PRKAA2: variants seen among roughly 807,000 people sequenced by gnomAD.
PRKAA2 encodes protein kinase AMP-activated catalytic subunit alpha 2.
PRKAA2 carries 40 observed loss-of-function variants against 56.3 expected under a neutral mutation model. The ratio of observed to expected loss-of-function variants is 0.71; its 90% CI spans 0.55 to 0.92. The LOEUF (loss-of-function observed/expected upper bound fraction) is 0.92, where lower values mean the gene tolerates loss of function less well. Among genes scored for constraint, PRKAA2 ranks in the 40% least tolerant of loss-of-function variants. PRKAA2 has a pLI of 0.00. For synonymous variants in PRKAA2, 214 were observed against 234.2 expected, an observed-to-expected ratio of 0.91 and a Z score of 0.79; for missense variants, 542 against 686.9, an observed-to-expected ratio of 0.79 and a Z score of 2.36.
intron 2 of PRKAA2, among the ~76,000 whole-genome samples, chr1:56,689,007 T>C (rs764579800): frequency 3.3e-5 from 5 of 152,346 alleles, no homozygotes; most frequent in Non-Finnish European, 5.9e-5. Flanking sequence ...CAGTGGCTGC[T>C]AAGGATTTAG....
chr1:56,652,418 G>A (rs956843487), intron 1 of PRKAA2, among the ~76,000 whole-genome samples: 1 of 152,186 alleles, frequency 6.6e-6, no homozygotes, highest in Admixed American at 6.5e-5. Flanking sequence ...GCCTCCCAAA[G>A]TGCTGGGATT....
intron 1 of PRKAA2, among the ~76,000 whole-genome samples, chr1:56,664,231 C>T (rs2100393579): frequency 6.6e-6 from 1 of 152,232 alleles, no homozygotes; most frequent in Non-Finnish European, 1.5e-5. Context: ...TCCATTAATG[C>T]TTCGATATAA....
At position 56,706,114 on chromosome 1, in the gene PRKAA2, G is replaced by A. The variant is rs374865775; in HGVS notation, c.1316G>A (p.Arg439His). ...TAGGTAGTGAATGCATACCATCTTC[G>A]TGTAAGAAGAAAAAATCCAGTGACT... is the stretch of plus-strand genomic sequence containing the variant. ...EWKVVNAYHL[R>H]VRRKNPVTGN... The change falls in exon 8 of 9, where the codon CGT becomes CAT. Residue 439 changes from arginine (R) to histidine (H), a missense_variant. This residue lies in a region of PRKAA2 where 158 missense variants were observed against 166.1 expected (regional missense o/e 0.95). Coordinates refer to ENST00000371244, the MANE Select transcript of PRKAA2 (RefSeq NM_006252.4). The A allele has an allele frequency of 1.5e-5, 24 of 1,610,478 alleles. No individual in the cohort carries two copies. The highest frequency in any genetic ancestry group is 2.2e-5 in the East Asian group (1 of 44,806).
chr1:56,697,012 A>ATTTTTTTTTTTTTTTTTTTTTT lies in PRKAA2; in HGVS notation c.788+868_788+869insTTTTTTTTTTTTTTTTTTTTTT, dbSNP rs752842791. 2.1e-3 allele frequency among the ~76,000 whole-genome samples: 122 copies of ATTTTTTTTTTTTTTTTTTTTTT among 57,886 alleles called. 33 individuals are homozygous for ATTTTTTTTTTTTTTTTTTTTTT. Among genetic ancestry groups the ATTTTTTTTTTTTTTTTTTTTTT allele is most frequent in the African/African-American group, 7.6e-3 (113 of 14,832 alleles). The allele number at this position is 57,886 out of a possible 152,430, so 38.0% of individuals were successfully genotyped here. ...CCTTTTCATCATTAGCCAGCAAAGA[A>ATTTTTTTTTTTTTTTTTTTTTT]TTTTTTTTTTTTTTTAAGGCAGGGT... On this transcript the variant is annotated intron_variant, in intron 6 of 8. Coordinates refer to ENST00000371244, the MANE Select transcript of PRKAA2 (RefSeq NM_006252.4).
chr1:56,650,658 A>G (rs1306988640), intron 1 of PRKAA2, among the ~76,000 whole-genome samples: 1 of 152,274 alleles, frequency 6.6e-6, no homozygotes, highest in Non-Finnish European at 1.5e-5. Flanking sequence ...TTTTTTCAAC[A>G]TTTTACTCCA....
chr1:56,704,623 G>A (rs1052385748), intron 7 of PRKAA2, 148 bp downstream of exon 7: 1 of 921,272 alleles, frequency 1.1e-6, no homozygotes, highest in East Asian at 2.7e-5. Flanking sequence ...CCTCTATAAG[G>A]ATGAAAAGTG....
chr1:56,711,151 TG>T lies in PRKAA2; in HGVS notation c.*3440del, dbSNP rs1442708492. On this transcript the variant is annotated 3_prime_UTR_variant, in exon 9 of 9. Coordinates refer to ENST00000371244, the MANE Select transcript of PRKAA2 (RefSeq NM_006252.4). ...TAATTATATTTCTATGTCAGGGTAT[TG>T]GCTATATGTAGCATGAACAATTCTC... 13 of 152,142 alleles carry T rather than the reference TG, an allele frequency of 8.5e-5. No homozygotes were observed. Among genetic ancestry groups the T allele is most frequent in the African/African-American group, 3.1e-4 (13 of 41,456 alleles). The allele number at this position is 152,142 out of a possible 1,614,324, so 9.4% of individuals were successfully genotyped here.
At position 56,694,832 on chromosome 1, in the gene PRKAA2, T is replaced by A. The variant is rs140360963; in HGVS notation, c.563+980T>A. Among the ~76,000 whole-genome samples, 63 of 152,178 alleles carry A rather than the reference T, an allele frequency of 4.1e-4. 1 individual carries two copies. The East Asian group carries it at 7.5e-3, about 18-fold the overall frequency. On this transcript the variant is annotated intron_variant, in intron 5 of 8. Transcript: ENST00000371244. ...AAGCATTCAGTCCATTGCAAGGAGT[T>A]TGAACAATACAGCAAATGATGTAAA...
intron 8 of PRKAA2, among the ~76,000 whole-genome samples, 178 bp from the exon 9 acceptor site, chr1:56,707,293 ATGTT>A (rs1437313421): frequency 1.3e-5 from 2 of 152,136 alleles, no homozygotes; most frequent in African/African-American, 2.4e-5. Context: ...ATTGGTAGCG[ATGTT>A]TGTTATGATT....
Position 56,700,475 on chromosome 1 carries a change from C to A in PRKAA2, c.789-3496C>A, listed in dbSNP as rs368140807. Among the ~76,000 whole-genome samples, 13 of 152,210 alleles carry A rather than the reference C, an allele frequency of 8.5e-5. 1 individual carries two copies. The highest frequency in any genetic ancestry group is 2.9e-4 in the African/African-American group (12 of 41,522). On this transcript the variant is annotated intron_variant, in intron 6 of 8. Coordinates refer to ENST00000371244, the MANE Select transcript of PRKAA2 (RefSeq NM_006252.4). ...CACACAACTCTGCATTTGTTTCTGGCCTTTCTGAGTCCCAGAAATATATCA... is the reference window on the plus strand; with the variant it reads ...CACACAACTCTGCATTTGTTTCTGGACTTTCTGAGTCCCAGAAATATATCA...
At position 56,675,581 on chromosome 1, in the gene PRKAA2, C is replaced by A. The variant is rs953669210; in HGVS notation, c.236+1059C>A. Among the ~76,000 whole-genome samples the A allele has an allele frequency of 1.8e-4, 28 of 152,046 alleles. 1 individual carries two copies. Among genetic ancestry groups the A allele is most frequent in the African/African-American group, 6.8e-4 (28 of 41,406 alleles). ...TTAATGCTCCAGCATTCCAGTTTTT[C>A]TTAAAACTGAGAGTTATATAAATTC... On this transcript the variant is annotated intron_variant, in intron 2 of 8. Transcript: ENST00000371244.
chr1:56,669,736 G>A (rs956565232), intron 1 of PRKAA2, among the ~76,000 whole-genome samples: 5 of 151,936 alleles, frequency 3.3e-5, no homozygotes, highest in Non-Finnish European at 7.4e-5. Context: ...TACATCTGGT[G>A]GAAAAAAAGT....
chr1:56,706,299 CA>C, intron 8 of PRKAA2, 81 bp downstream of exon 8: 1 of 1,516,566 alleles, frequency 6.6e-7, no homozygotes, highest in African/African-American at 1.4e-5. Flanking sequence ...ATCTCGAAGA[CA>C]TCCGGTGGGT....
rs1644388321 is a variant in PRKAA2, at chr1:56,713,967, T to C, written c.*6254T>C. On this transcript the variant is annotated 3_prime_UTR_variant, in exon 9 of 9. Transcript: ENST00000371244. ...TTTTTCTAATCCCTCTCAGTTCTCC[T>C]TAGATCTGCCTCCTACAAATGATCA... is the stretch of plus-strand genomic sequence containing the variant. The C allele has an allele frequency of 6.6e-6, 1 of 152,020 alleles. No individual in the cohort carries two copies. The highest frequency in any genetic ancestry group is 1.5e-5 in the Non-Finnish European group (1 of 67,962). 9.4% of individuals were successfully genotyped at this position (152,020 alleles called of 1,614,324 possible). A position where few individuals can be genotyped will look rare whatever the true frequency, so the allele number is the denominator to read the frequency against.
At chr1:56,669,428 C>T (rs915190819) in intron 1 of PRKAA2, among the ~76,000 whole-genome samples, 6 of 151,756 alleles carry the variant, frequency 4.0e-5, no homozygotes, top group African/African-American at 1.5e-4. Flanking sequence ...CACTGCACTC[C>T]AGCCTGGGTG....
chr1:56,653,277 A>G (rs971903810), intron 1 of PRKAA2, among the ~76,000 whole-genome samples: 2 of 149,790 alleles, frequency 1.3e-5, no homozygotes, highest in African/African-American at 4.9e-5. Flanking sequence ...TATATAATAT[A>G]TATATAATTT....
At chr1:56,671,841 G>T (rs552258820) in intron 1 of PRKAA2, among the ~76,000 whole-genome samples, 2 of 151,998 alleles carry the variant, frequency 1.3e-5, no homozygotes, top group East Asian at 3.9e-4. Context: ...TACACTGGAG[G>T]GTAATAATAC....
chr1:56,673,249 C>G (rs955949323), intron 1 of PRKAA2, among the ~76,000 whole-genome samples: 3 of 152,048 alleles, frequency 2.0e-5, no homozygotes, highest in African/African-American at 4.8e-5. Context: ...CTGGCACATT[C>G]TTGTAGTGCC....
At chr1:56,684,470 G>C (rs1490153479) in intron 2 of PRKAA2, among the ~76,000 whole-genome samples, 2 of 151,994 alleles carry the variant, frequency 1.3e-5, no homozygotes, top group Non-Finnish European at 2.9e-5. Context: ...AGAAGTCCAA[G>C]GACTGGGCTC....
Sources: allele counts gnomAD v4.1 joint callset (sites outside exome capture counted in the v4.1 genomes callset), GRCh38; gene constraint gnomAD v4.1.1; regional missense constraint gnomAD v4.1.1; transcripts MANE v1.5; gene names NCBI Gene and HGNC (gene_info 2026-07-23, HGNC 2026-07-21).